The following SNTG1 variants were observed in gnomAD, a reference collection of about 807,000 sequenced individuals.
SNTG1 encodes the protein syntrophin gamma 1.
A neutral mutation model predicts 74.7 loss-of-function variants in SNTG1; 39 were observed. The ratio of observed to expected loss-of-function variants is 0.52; its 90% CI spans 0.40 to 0.68. The LOEUF is 0.68. Ranked by LOEUF, SNTG1 falls within the 30% of genes least tolerant of loss-of-function variation. The pLI is 0.00. For missense variants in SNTG1, 685 were observed against 609.5 expected (o/e 1.12, Z -1.30); for synonymous variants, 254 against 217.1 (o/e 1.17, Z -1.49).
intron 2 of SNTG1, among the ~76,000 whole-genome samples, chr8:50,338,268 G>A (rs964771239): frequency 2.0e-5 from 3 of 152,204 alleles, no homozygotes; most frequent in African/African-American, 7.2e-5. Flanking sequence ...TACAGCTGCA[G>A]CAAGCAGTAA....
At chr8:50,048,383 G>A (rs1415263750) in intron 1 of SNTG1, among the ~76,000 whole-genome samples, 2 of 152,140 alleles carry the variant, frequency 1.3e-5, no homozygotes, top group Admixed American at 6.6e-5. Context: ...TACATTTACT[G>A]CTGCTAGCCC....
At chr8:50,130,427 T>G (rs1287159525) in intron 1 of SNTG1, among the ~76,000 whole-genome samples, 1 of 152,108 alleles carries the variant, frequency 6.6e-6, no homozygotes, top group Non-Finnish European at 1.5e-5. Flanking sequence ...AATATATAGC[T>G]GATTTTGTAG....
intron 1 of SNTG1, among the ~76,000 whole-genome samples, chr8:49,991,444 C>G (rs1306463678): frequency 6.6e-6 from 1 of 152,046 alleles, no homozygotes; most frequent in South Asian, 2.1e-4. Flanking sequence ...TAGGGTTATA[C>G]CCAAGAGAAA....
intron 8 of SNTG1, among the ~76,000 whole-genome samples, chr8:50,454,098 C>T (rs1182631565): frequency 6.6e-6 from 1 of 152,224 alleles, no homozygotes; most frequent in East Asian, 1.9e-4. Context: ...AACACTGATG[C>T]TATTCTCCTT....
intron 1 of SNTG1, among the ~76,000 whole-genome samples, chr8:49,992,922 G>T (rs752893551): frequency 1.3e-5 from 2 of 152,080 alleles, no homozygotes; most frequent in African/African-American, 4.8e-5. Context: ...TTTTGCATTT[G>T]TTCACTTTCT....
Position 50,487,866 on chromosome 8 carries a change from C to A in SNTG1, c.364-14912C>A, listed in dbSNP as rs192563458. Among the ~76,000 whole-genome samples, 39 of 152,010 alleles carry A rather than the reference C, an allele frequency of 2.6e-4. No individual in the cohort carries two copies. The Middle Eastern group carries it at 0.01, about 40-fold the overall frequency. ...AAGTCCAGTAAAAAAAAAAAGAAGT[C>A]TCTAGAACTAAAGGGCTTTATCAAC... On this transcript the variant is annotated intron_variant, in intron 8 of 18. Transcript: ENST00000642720.
chr8:50,610,762 A>C (rs1352363754), intron 13 of SNTG1, among the ~76,000 whole-genome samples: 1 of 152,186 alleles, frequency 6.6e-6, no homozygotes, highest in Non-Finnish European at 1.5e-5. Context: ...GAATAAAATG[A>C]GGTAGTAAGA....
At chr8:50,342,473 T>C (rs769824196) in intron 2 of SNTG1, among the ~76,000 whole-genome samples, 22 of 152,180 alleles carry the variant, frequency 1.4e-4, no homozygotes, top group Non-Finnish European at 2.6e-4. Context: ...AAAATAGTTC[T>C]TTAAACATAA....
At chr8:49,965,214 C>CT (rs1447788471) in intron 1 of SNTG1, among the ~76,000 whole-genome samples, 1 of 152,138 alleles carries the variant, frequency 6.6e-6, no homozygotes, top group Non-Finnish European at 1.5e-5. Flanking sequence ...CTGTGACAAT[C>CT]TACACATCAA....
At chr8:50,214,613 C>T (rs1166618179) in intron 2 of SNTG1, among the ~76,000 whole-genome samples, 1 of 152,032 alleles carries the variant, frequency 6.6e-6, no homozygotes, top group Non-Finnish European at 1.5e-5. Context: ...CACTCATCTA[C>T]TGTGTTTTAT....
intron 13 of SNTG1, among the ~76,000 whole-genome samples, chr8:50,593,370 G>A (rs993143374): frequency 2.6e-5 from 4 of 151,952 alleles, no homozygotes; most frequent in African/African-American, 7.3e-5. Flanking sequence ...TAAACCATAT[G>A]AGGAAATAAA....
intron 1 of SNTG1, among the ~76,000 whole-genome samples, chr8:49,961,862 C>T (rs1394646120): frequency 6.6e-6 from 1 of 152,138 alleles, no homozygotes; most frequent in East Asian, 1.9e-4. Context: ...TGAAACCACA[C>T]AATTAAGTAC....
intron 14 of SNTG1, 76 bp from the exon 15 acceptor site, chr8:50,658,516 C>A: frequency 1.9e-6 from 2 of 1,039,358 alleles, no homozygotes; most frequent in Non-Finnish European, 2.8e-6. Flanking sequence ...TTATTTTTCA[C>A]TATATTATGC....
Position 50,217,466 on chromosome 8 carries a change from C to G in SNTG1, c.-28+44831C>G, listed in dbSNP as rs567228552. Among the ~76,000 whole-genome samples the G allele has an allele frequency of 1.1e-4, 16 of 152,138 alleles. No individual in the cohort carries two copies. In the East Asian group the frequency reaches 1.9e-3, roughly 18 times the overall value. Reference sequence around the variant, plus strand: ...CACCTATTTGTACTCTTACTTAGCACCTTCATAATATGTGCTGTCATGTAA... The same window carrying G: ...CACCTATTTGTACTCTTACTTAGCAGCTTCATAATATGTGCTGTCATGTAA... On this transcript the variant is annotated intron_variant, in intron 2 of 18. Coordinates refer to ENST00000642720, the MANE Select transcript of SNTG1 (RefSeq NM_018967.5).
intron 2 of SNTG1, among the ~76,000 whole-genome samples, chr8:50,173,881 T>A (rs1400978800): frequency 2.6e-5 from 4 of 152,230 alleles, no homozygotes; most frequent in Admixed American, 1.3e-4. Context: ...GCAGGTTTGT[T>A]ACATAGGTAT....
intron 2 of SNTG1, among the ~76,000 whole-genome samples, chr8:50,203,608 C>T (rs1053150747): frequency 7.3e-5 from 11 of 151,576 alleles, no homozygotes; most frequent in Admixed American, 2.6e-4. Context: ...GAAAACCAAG[C>T]GAAAAAAATG....
intron 3 of SNTG1, among the ~76,000 whole-genome samples, chr8:50,395,145 T>C (rs1345555326): frequency 6.6e-6 from 1 of 152,166 alleles, no homozygotes; most frequent in Non-Finnish European, 1.5e-5. Context: ...CCTTATTTTC[T>C]TCTAAAGCAA....
intron 9 of SNTG1, among the ~76,000 whole-genome samples, chr8:50,527,925 A>C (rs987823404): frequency 6.6e-6 from 1 of 151,876 alleles, no homozygotes; most frequent in Non-Finnish European, 1.5e-5. Context: ...TTTTAATTTT[A>C]TTGTAAATAA....
rs894705207 is a variant in SNTG1, at chr8:50,486,836, A to C, written c.364-15942A>C. Among the ~76,000 whole-genome samples, 16 of 152,056 alleles carry C rather than the reference A, an allele frequency of 1.1e-4. 1 individual carries two copies. Among genetic ancestry groups the C allele is most frequent in the Non-Finnish European group, 1.3e-4 (9 of 68,020 alleles). On this transcript the variant is annotated intron_variant, in intron 8 of 18. Transcript: ENST00000642720. ...TTGAAATATGTCCCATCAATACCTA[A>C]TTTATTGAGAGTTTTTAGCATGAAG...
Sources: gnomAD v4.1 joint callset for allele counts (sites outside exome capture counted in the v4.1 genomes callset) on GRCh38, gnomAD v4.1.1 for gene constraint, MANE v1.5 for transcripts, NCBI Gene and HGNC (gene_info 2026-07-23, HGNC 2026-07-21) for gene names.